The following AKAP19 variants were observed in gnomAD, a reference collection of about 807,000 sequenced individuals.
AKAP19 encodes A-kinase anchoring protein 19.
chr2:189,884,996 GCTCT>G, the AKAP19 span, among the ~76,000 whole-genome samples: 4 of 152,150 alleles, frequency 2.6e-5, no homozygotes, highest in South Asian at 6.2e-4. Context: ...TCTGCTTATG[GCTCT>G]CTATTTGGGA....
chr2:189,991,596 A>T, the AKAP19 span, among the ~76,000 whole-genome samples: 1 of 152,054 alleles, frequency 6.6e-6, no homozygotes, highest in Non-Finnish European at 1.5e-5. Context: ...TCTGGTTATT[A>T]GTCCTTTGTT....
At chr2:190,064,594 C>T in the AKAP19 span, among the ~76,000 whole-genome samples, 1 of 152,052 alleles carries the variant, frequency 6.6e-6, no homozygotes, top group Non-Finnish European at 1.5e-5. Flanking sequence ...TTTAATAATG[C>T]ATGTAAATTG....
the AKAP19 span, among the ~76,000 whole-genome samples, chr2:189,881,042 C>G: frequency 3.3e-5 from 5 of 152,074 alleles, no homozygotes; most frequent in Non-Finnish European, 5.9e-5. Context: ...GCACACACAG[C>G]TAATCTAGTG....
chr2:190,048,288 G>A, the AKAP19 span, among the ~76,000 whole-genome samples: 4 of 152,158 alleles, frequency 2.6e-5, no homozygotes, highest in Non-Finnish European at 5.9e-5. Flanking sequence ...GCATGTAACA[G>A]TAGTCACATC....
the AKAP19 span, among the ~76,000 whole-genome samples, chr2:190,179,484 G>C: frequency 6.6e-6 from 1 of 152,094 alleles, no homozygotes; most frequent in African/African-American, 2.4e-5. This position sits in a 1 kb window ranked among gnomAD's most constrained non-coding sequence, Gnocchi z 6.0. Context: ...TGATTGTCAG[G>C]ATGTACCAAC....
chr2:190,069,175 T>TGTGAGAGAGAGAGA, the AKAP19 span, among the ~76,000 whole-genome samples: 12 of 123,540 alleles, frequency 9.7e-5, no homozygotes, highest in Admixed American at 1.7e-4. Context: ...TGTGTGTGTG[T>TGTGAGAGAGAGAGA]GAGAGAGAGA....
the AKAP19 span, among the ~76,000 whole-genome samples, chr2:190,032,578 C>A: frequency 9.9e-5 from 15 of 152,150 alleles, no homozygotes; most frequent in Non-Finnish European, 1.5e-4. Flanking sequence ...ACTAATGTGC[C>A]TTTTAAAATA....
the AKAP19 span, among the ~76,000 whole-genome samples, chr2:190,043,101 C>G: frequency 6.6e-6 from 1 of 152,090 alleles, no homozygotes; most frequent in Non-Finnish European, 1.5e-5. Context: ...GTGACCTGCC[C>G]TTTCTCTCTA....
chr2:190,052,558 G>A, the AKAP19 span, among the ~76,000 whole-genome samples: 1 of 152,126 alleles, frequency 6.6e-6, no homozygotes, highest in African/African-American at 2.4e-5. Context: ...AGAGACATTT[G>A]TCTTCTTAGA....
At chr2:190,171,233 T>TAAA in the AKAP19 span, among the ~76,000 whole-genome samples, 6 of 147,072 alleles carry the variant, frequency 4.1e-5, no homozygotes, top group African/African-American at 1.5e-4. Flanking sequence ...GAAAAAAAGT[T>TAAA]AAAAAAAAAA....
At chr2:190,125,142 G>A in the AKAP19 span, among the ~76,000 whole-genome samples, 1 of 152,116 alleles carries the variant, frequency 6.6e-6, no homozygotes, top group African/African-American at 2.4e-5. Context: ...ACACTCTAAA[G>A]TAATGATAAA....
chr2:189,979,634 C>T, the AKAP19 span, among the ~76,000 whole-genome samples: 2 of 152,230 alleles, frequency 1.3e-5, no homozygotes, highest in Non-Finnish European at 2.9e-5. Flanking sequence ...AGTAAACAGA[C>T]AACCTACAGA....
the AKAP19 span, among the ~76,000 whole-genome samples, chr2:189,887,754 C>T: frequency 6.6e-6 from 1 of 152,156 alleles, no homozygotes; most frequent in Admixed American, 6.5e-5. Flanking sequence ...TTCTTGGCCA[C>T]ATAAATGTCT....
At chr2:190,166,310 A>C in the AKAP19 span, among the ~76,000 whole-genome samples, 4 of 131,188 alleles carry the variant, frequency 3.0e-5, no homozygotes, top group Admixed American at 8.0e-5. Flanking sequence ...AAAAAAAAAA[A>C]TCCACTCTTT....
the AKAP19 span, chr2:190,201,136 G>A: frequency 6.0e-6 from 1 of 166,884 alleles, no homozygotes; most frequent in South Asian, 2.1e-4. Context: ...TCGTTTTCTG[G>A]GTTTTTGTTA....
chr2:190,055,021 A>G, the AKAP19 span, among the ~76,000 whole-genome samples: 5 of 152,194 alleles, frequency 3.3e-5, no homozygotes, highest in Admixed American at 2.0e-4. Flanking sequence ...ATAAAGACAC[A>G]TGCACACATA....
the AKAP19 span, among the ~76,000 whole-genome samples, chr2:189,980,243 A>G: frequency 1.1e-4 from 16 of 152,362 alleles, no homozygotes; most frequent in African/African-American, 3.6e-4. Context: ...AAAAAGAATG[A>G]AATCATATCC....
the AKAP19 span, among the ~76,000 whole-genome samples, chr2:190,195,467 G>A: frequency 1.3e-5 from 2 of 152,154 alleles, no homozygotes; most frequent in African/African-American, 4.8e-5. Context: ...TGTTGCTTTT[G>A]CCATTATCTC....
chr2:190,143,670 G>A, the AKAP19 span, among the ~76,000 whole-genome samples: 1 of 151,694 alleles, frequency 6.6e-6, no homozygotes, highest in Non-Finnish European at 1.5e-5. Context: ...CCCATTACTG[G>A]GTATATACCC....
Sources: allele counts gnomAD v4.1 joint callset (sites outside exome capture counted in the v4.1 genomes callset), GRCh38; gene constraint gnomAD v4.1.1; non-coding constraint Gnocchi (gnomAD v3.1); transcripts MANE v1.5; gene names NCBI Gene and HGNC (gene_info 2026-07-23, HGNC 2026-07-21).